The following TTC27 variants were observed in gnomAD, a reference collection of about 807,000 sequenced individuals.
TTC27 encodes the protein tetratricopeptide repeat domain 27.
In TTC27, 79 loss-of-function variants were observed where a neutral mutation model predicts 115.9. That is an observed-to-expected ratio of 0.68 (90% CI 0.57 to 0.82). The LOEUF is 0.82. Among genes scored for constraint, TTC27 ranks in the 40% least tolerant of loss-of-function variants. TTC27 has a pLI of 0.00. For missense variants in TTC27, 1,054 were observed against 993.1 expected (o/e 1.06, Z -0.82); for synonymous variants, 401 against 356.0 (o/e 1.13, Z -1.42).
rs1158508588 is a variant in TTC27, at chr2:32,708,304, G to GTTTT, written c.1233+5403_1233+5406dup. Among the ~76,000 whole-genome samples the GTTTT allele has an allele frequency of 2.8e-3, 172 of 61,326 alleles. 19 individuals are homozygous for GTTTT. The highest frequency in any genetic ancestry group is 3.1e-3 in the African/African-American group (48 of 15,350). 40.2% of individuals were successfully genotyped at this position (61,326 alleles called of 152,430 possible). On this transcript the variant is annotated intron_variant, in intron 10 of 19. Transcript: ENST00000317907. ...AATAGCGTTTTCTTTTCTCTACCTT[G>GTTTT]TTTTTTTTTTTTTTTTTTTTTTAAT...
At chr2:32,632,099 C>T (rs1360001979) in intron 2 of TTC27, among the ~76,000 whole-genome samples, 8 of 151,814 alleles carry the variant, frequency 5.3e-5, no homozygotes, top group East Asian at 1.9e-4. Flanking sequence ...ACGTGAGCCA[C>T]TTCGCCCAGC....
At chr2:32,819,899 T>C (rs890461447) in intron 19 of TTC27, among the ~76,000 whole-genome samples, 1 of 152,198 alleles carries the variant, frequency 6.6e-6, no homozygotes, top group East Asian at 1.9e-4. Context: ...GTGATGCCGA[T>C]TGATTATGAT....
In TTC27 at chr2:32,720,514, A is replaced by G. The variant is rs77875279; in HGVS notation, c.1234-13314A>G. 4.0e-3 allele frequency among the ~76,000 whole-genome samples: 611 copies of G among 152,284 alleles called. 8 individuals are homozygous for G. Among genetic ancestry groups the G allele is most frequent in the African/African-American group, 0.014 (576 of 41,562 alleles). ...ATTTTTAGTGTAGTAACAAGCCCCA[A>G]TGCCAAAGCTAACAGGAACAGAATA... On this transcript the variant is annotated intron_variant, in intron 10 of 19. Transcript: ENST00000317907.
In TTC27 at chr2:32,699,880, C is replaced by G. The variant is rs900607209; in HGVS notation, c.1120-2927C>G. The stretch of plus-strand genomic sequence containing the variant: ...CCTTCAAATAAAAATCTTAGGCAAG[C>G]CTCTTGTTCTCATACCAGTGTAGAA... On this transcript the variant is annotated intron_variant, in intron 9 of 19. Coordinates refer to ENST00000317907, the MANE Select transcript of TTC27 (RefSeq NM_017735.5). 3.3e-5 allele frequency among the ~76,000 whole-genome samples: 5 copies of G among 152,288 alleles called. No homozygotes were observed. In the East Asian group the frequency reaches 7.7e-4, roughly 24 times the overall value.
At chr2:32,802,609 C>T (rs1670990919) in intron 16 of TTC27, among the ~76,000 whole-genome samples, 1 of 152,154 alleles carries the variant, frequency 6.6e-6, no homozygotes. Context: ...GTTGCTGGTC[C>T]TCAGGTTTCC....
intron 16 of TTC27, among the ~76,000 whole-genome samples, chr2:32,804,399 A>G (rs539960976): frequency 5.3e-5 from 8 of 152,212 alleles, no homozygotes; most frequent in Admixed American, 2.6e-4. Context: ...GCACAAAGAT[A>G]TGCACTAAAG....
intron 14 of TTC27, among the ~76,000 whole-genome samples, chr2:32,779,282 G>T (rs1427684708): frequency 6.6e-6 from 1 of 151,828 alleles, no homozygotes; most frequent in East Asian, 1.9e-4. Flanking sequence ...AATGTATGAG[G>T]GTTCCAGTTT....
chr2:32,747,799 C>T (rs1261653697), intron 12 of TTC27, among the ~76,000 whole-genome samples: 6 of 152,226 alleles, frequency 3.9e-5, no homozygotes, highest in Non-Finnish European at 7.4e-5. Context: ...CTGTTTTCAG[C>T]GTAGGATACC....
At chr2:32,763,072 T>C (rs1352954020) in intron 13 of TTC27, among the ~76,000 whole-genome samples, 1 of 152,226 alleles carries the variant, frequency 6.6e-6, no homozygotes, top group Admixed American at 6.5e-5. Flanking sequence ...TAGAATTAAT[T>C]ATTTACGTAG....
intron 3 of TTC27, 145 bp downstream of exon 3, chr2:32,634,150 C>A: frequency 6.4e-6 from 6 of 941,442 alleles, no homozygotes; most frequent in Non-Finnish European, 9.0e-6. Flanking sequence ...GTTCATTGAT[C>A]AGATTTTCAC....
intron 9 of TTC27, among the ~76,000 whole-genome samples, chr2:32,682,667 T>G (rs906996982): frequency 1.7e-4 from 18 of 107,190 alleles, no homozygotes; most frequent in African/African-American, 5.4e-4. Flanking sequence ...ATAATAGAAG[T>G]CTTTTTTTTT....
At chr2:32,707,356 C>A (rs7575317) in intron 10 of TTC27, among the ~76,000 whole-genome samples, 10,704 of 152,164 alleles carry the variant, frequency 0.07, 726 homozygotes, top group African/African-American at 0.18. Context: ...AAGCCACTTC[C>A]ATGGTAATTA....
At chr2:32,720,154 A>G (rs1000951089) in intron 10 of TTC27, among the ~76,000 whole-genome samples, 4 of 151,922 alleles carry the variant, frequency 2.6e-5, no homozygotes, top group African/African-American at 9.7e-5. Context: ...AGCTGACTGT[A>G]TGTGTATGGT....
At chr2:32,804,597 G>T (rs75482926) in intron 16 of TTC27, among the ~76,000 whole-genome samples, 1 of 151,970 alleles carries the variant, frequency 6.6e-6, no homozygotes, top group Non-Finnish European at 1.5e-5. Flanking sequence ...ATGTTACAGT[G>T]AAAAAGGAAG....
At chr2:32,680,327 A>G (rs1311064338) in intron 9 of TTC27, among the ~76,000 whole-genome samples, 1 of 152,232 alleles carries the variant, frequency 6.6e-6, no homozygotes, top group African/African-American at 2.4e-5. Context: ...ATATATATCT[A>G]CTAAATAATA....
At chr2:32,788,823 C>G (rs1226326808) in intron 16 of TTC27, among the ~76,000 whole-genome samples, 2 of 152,200 alleles carry the variant, frequency 1.3e-5, no homozygotes, top group Non-Finnish European at 2.9e-5. Context: ...AGACTTATTA[C>G]ATGTACACAT....
At position 32,728,121 on chromosome 2, in the gene TTC27, A is replaced by G. The variant is rs186873904; in HGVS notation, c.1234-5707A>G. On this transcript the variant is annotated intron_variant, in intron 10 of 19. Transcript: ENST00000317907. ...AGTGGCGTGATCTCTGCTCACTGCA[A>G]GCTCCACCTCCCGGGTTCACACCAT... 5.3e-3 allele frequency among the ~76,000 whole-genome samples: 798 copies of G among 149,334 alleles called. 10 individuals carry two copies. The highest frequency in any genetic ancestry group is 0.019 in the African/African-American group (754 of 40,428).
intron 13 of TTC27, among the ~76,000 whole-genome samples, chr2:32,761,719 A>G (rs2147997423): frequency 6.6e-6 from 1 of 152,222 alleles, no homozygotes; most frequent in East Asian, 1.9e-4. Context: ...CATTCTATTT[A>G]AAATCATACC....
intron 5 of TTC27, among the ~76,000 whole-genome samples, chr2:32,660,346 C>G (rs1371121545): frequency 6.6e-6 from 1 of 152,024 alleles, no homozygotes; most frequent in Non-Finnish European, 1.5e-5. Context: ...ATCTTTCAAC[C>G]CAAATGCCCA....
Sources: allele counts gnomAD v4.1 joint callset (sites outside exome capture counted in the v4.1 genomes callset), GRCh38; gene constraint gnomAD v4.1.1; transcripts MANE v1.5; gene names NCBI Gene and HGNC (gene_info 2026-07-23, HGNC 2026-07-21).